Variants in CNIH3 observed in about 807,000 individuals in gnomAD.
The protein encoded by CNIH3 is protein cornichon homolog 3.
In CNIH3, 14 loss-of-function variants were observed where a neutral mutation model predicts 24.1. The ratio of observed to expected loss-of-function variants is 0.58; its 90% CI spans 0.38 to 0.91. The LOEUF is 0.91. Among genes scored for constraint, CNIH3 ranks in the 40% least tolerant of loss-of-function variants. The pLI, the probability that CNIH3 is intolerant of heterozygous loss-of-function variation, is 0.00. For missense variants in CNIH3, 178 were observed against 196.8 expected, an observed-to-expected ratio of 0.90 and a Z score of 0.57; for synonymous variants, 68 against 73.8, an observed-to-expected ratio of 0.92 and a Z score of 0.40.
chr1:224,551,000 C>G (rs1438283715), intron 3 of CNIH3, among the ~76,000 whole-genome samples: 2 of 151,852 alleles, frequency 1.3e-5, no homozygotes, highest in African/African-American at 4.8e-5. Flanking sequence ...CAGAGAAATG[C>G]GAATCAAAAC....
chr1:224,513,399 C>G (rs1033182515), upstream of CNIH3, among the ~76,000 whole-genome samples: 26 of 149,862 alleles, frequency 1.7e-4, no homozygotes, highest in East Asian at 5.1e-3. Context: ...AGGCTGGTCT[C>G]GAACTCCTGG....
At chr1:224,451,576 C>A (rs928798388) in intron 1 of CNIH3, among the ~76,000 whole-genome samples, 1 of 152,114 alleles carries the variant, frequency 6.6e-6, no homozygotes, top group Non-Finnish European at 1.5e-5. Flanking sequence ...CCTGGTTATT[C>A]TTGTGAGTAT....
At chr1:224,648,365 C>A (rs1278616418) in intron 1 of CNIH3, among the ~76,000 whole-genome samples, 1 of 147,964 alleles carries the variant, frequency 6.8e-6, no homozygotes, top group Non-Finnish European at 1.5e-5. Context: ...GAGCTGAGGT[C>A]ATGCCACTGC....
intron 1 of CNIH3, among the ~76,000 whole-genome samples, chr1:224,495,719 C>T (rs945148362): frequency 6.6e-6 from 1 of 152,100 alleles, no homozygotes; most frequent in African/African-American, 2.4e-5. Flanking sequence ...AGGGGAAGGG[C>T]ATTTGCTATT....
At chr1:224,524,202 C>T (rs1261245540) in intron 2 of CNIH3, among the ~76,000 whole-genome samples, 1 of 152,154 alleles carries the variant, frequency 6.6e-6, no homozygotes, top group Non-Finnish European at 1.5e-5. Flanking sequence ...AAATGGAGGA[C>T]GACTGGCAAA....
At chr1:224,555,125 C>G (rs909293064) in intron 3 of CNIH3, among the ~76,000 whole-genome samples, 19 of 152,088 alleles carry the variant, frequency 1.2e-4, no homozygotes, top group Non-Finnish European at 2.6e-4. Flanking sequence ...GTTCCCCCAA[C>G]CTTTTGAAGT....
At chr1:224,713,240 G>A (rs1688253820) in intron 3 of CNIH3, among the ~76,000 whole-genome samples, 1 of 152,192 alleles carries the variant, frequency 6.6e-6, no homozygotes, top group Non-Finnish European at 1.5e-5. Context: ...TCCAGAAAGT[G>A]TCTTTGTTTT....
chr1:224,450,185 G>A (rs1164047330), intron 1 of CNIH3, among the ~76,000 whole-genome samples: 2 of 152,202 alleles, frequency 1.3e-5, no homozygotes, highest in Non-Finnish European at 1.5e-5. Flanking sequence ...TACTTCCATG[G>A]AGCTTATATT....
chr1:224,442,397 C>G (rs956826417), intron 1 of CNIH3, among the ~76,000 whole-genome samples: 1 of 152,190 alleles, frequency 6.6e-6, no homozygotes, highest in Admixed American at 6.5e-5. Flanking sequence ...ACAGCTCTGA[C>G]CCCTTATTTC....
intron 4 of CNIH3, among the ~76,000 whole-genome samples, chr1:224,578,873 T>C (rs1681147686): frequency 6.6e-6 from 1 of 152,060 alleles, no homozygotes; most frequent in African/African-American, 2.4e-5. Context: ...TTTCACAGAG[T>C]ATTTTTGTGT....
intron 1 of CNIH3, among the ~76,000 whole-genome samples, chr1:224,451,414 A>G (rs1675394094): frequency 6.6e-6 from 1 of 152,146 alleles, no homozygotes; most frequent in Non-Finnish European, 1.5e-5. Flanking sequence ...GGGTGGGTAG[A>G]TATTGGAAAC....
intron 2 of CNIH3, among the ~76,000 whole-genome samples, chr1:224,528,184 A>C (rs1169976062): frequency 1.3e-5 from 2 of 152,202 alleles, no homozygotes; most frequent in Non-Finnish European, 2.9e-5. Flanking sequence ...GGATTGATTG[A>C]GCCTGGGAGG....
chr1:224,489,812 T>A (rs1051712956), intron 1 of CNIH3, among the ~76,000 whole-genome samples: 2 of 152,150 alleles, frequency 1.3e-5, no homozygotes, highest in African/African-American at 4.8e-5. Flanking sequence ...AGCTTTGGTG[T>A]CTTGTGAGAG....
At chr1:224,632,887 G>C (rs1421906960) in intron 1 of CNIH3, among the ~76,000 whole-genome samples, 3 of 152,102 alleles carry the variant, frequency 2.0e-5, no homozygotes, top group Admixed American at 2.0e-4. Flanking sequence ...CCTAGAAAGG[G>C]GCTGGCAGCG....
chr1:224,548,172 A>G (rs1056019563), intron 3 of CNIH3, among the ~76,000 whole-genome samples: 5 of 151,988 alleles, frequency 3.3e-5, no homozygotes, highest in Admixed American at 2.0e-4. Context: ...TTTTTGTAAT[A>G]TCTAAGGGAT....
At chr1:224,484,625 A>G (rs1676957065) in intron 1 of CNIH3, among the ~76,000 whole-genome samples, 1 of 152,144 alleles carries the variant, frequency 6.6e-6, no homozygotes, top group Admixed American at 6.5e-5. Context: ...TTATGTCCCC[A>G]TCTCTCCTAC....
At chr1:224,695,518 C>T (rs959748195) in intron 3 of CNIH3, among the ~76,000 whole-genome samples, 1 of 152,164 alleles carries the variant, frequency 6.6e-6, no homozygotes, top group Non-Finnish European at 1.5e-5. Context: ...TTCACAGCAA[C>T]CCTGTGAGTT....
At chr1:224,623,768 G>C (rs1683394174) in intron 1 of CNIH3, among the ~76,000 whole-genome samples, 3 of 152,088 alleles carry the variant, frequency 2.0e-5, no homozygotes, top group Admixed American at 2.0e-4. Context: ...TCCCCTCCTA[G>C]TTATCTGTGG....
intron 1 of CNIH3, among the ~76,000 whole-genome samples, chr1:224,473,837 G>A (rs1013288657): frequency 2.0e-5 from 3 of 152,132 alleles, no homozygotes; most frequent in Non-Finnish European, 4.4e-5. Flanking sequence ...AATGGCTGCA[G>A]AACACACATT....
Sources: allele counts gnomAD v4.1 joint callset (sites outside exome capture counted in the v4.1 genomes callset), GRCh38; gene constraint gnomAD v4.1.1; transcripts MANE v1.5; gene names NCBI Gene and HGNC (gene_info 2026-07-23, HGNC 2026-07-21).